The following ATP8A2 variants were observed in gnomAD, a reference collection of about 807,000 sequenced individuals.
ATP8A2 encodes ATPase phospholipid transporting 8A2.
Under a neutral mutation model 165.6 loss-of-function variants are expected in ATP8A2, and 100 were observed. The observed-to-expected ratio is 0.60, with a 90% CI of 0.51 to 0.71. The LOEUF is 0.71. Ranked by LOEUF, ATP8A2 falls within the 30% of genes least tolerant of loss-of-function variation. The pLI is 0.00. For missense variants in ATP8A2, 1,227 were observed against 1,479.5 expected (o/e 0.83, Z 2.80); for synonymous variants, 543 against 548.8 (o/e 0.99, Z 0.15).
Position 25,465,667 on chromosome 13 carries a change from C to CTTTCTTTCTTTCTTTT in ATP8A2, c.77-3295_77-3294insTTTTCTTTCTTTCTTT, listed in dbSNP as rs1566152936. 3.7e-3 allele frequency among the ~76,000 whole-genome samples: 21 copies of CTTTCTTTCTTTCTTTT among 5,614 alleles called. 1 individual carries two copies. Among genetic ancestry groups the CTTTCTTTCTTTCTTTT allele is most frequent in the African/African-American group, 9.7e-3 (20 of 2,070 alleles). 3.7% of individuals were successfully genotyped at this position (5,614 alleles called of 152,430 possible). ...CTCCCCAGAAATCTTGCAGAGTTTT[C>CTTTCTTTCTTTCTTTT]TTTCTTTCTTTCTTTCTTTCTTTCT... On this transcript the variant is annotated intron_variant, in intron 1 of 36. Coordinates refer to ENST00000381655, the MANE Select transcript of ATP8A2 (RefSeq NM_016529.6).
intron 1 of ATP8A2, among the ~76,000 whole-genome samples, chr13:25,385,451 A>T (rs1424724264): frequency 6.6e-6 from 1 of 152,240 alleles, no homozygotes; most frequent in East Asian, 1.9e-4. Flanking sequence ...CTTAAACAAG[A>T]TAACATATAT....
At chr13:25,969,925 A>C (rs1321932172) in intron 35 of ATP8A2, among the ~76,000 whole-genome samples, 4 of 152,186 alleles carry the variant, frequency 2.6e-5, no homozygotes, top group African/African-American at 9.7e-5. Context: ...TCTATCCATC[A>C]GACAGCTGAG....
intron 24 of ATP8A2, among the ~76,000 whole-genome samples, chr13:25,659,340 C>T (rs1020194189): frequency 1.1e-4 from 16 of 152,198 alleles, no homozygotes; most frequent in Admixed American, 9.8e-4. Context: ...AAGCACTCTG[C>T]GATCGAGTTT....
chr13:25,844,300 G>A (rs1284023197), intron 30 of ATP8A2, among the ~76,000 whole-genome samples: 1 of 151,770 alleles, frequency 6.6e-6, no homozygotes, highest in African/African-American at 2.4e-5. Context: ...GCACGATCTC[G>A]GCTCACTGAA....
At chr13:25,891,577 GC>G (rs1334250410) in intron 33 of ATP8A2, among the ~76,000 whole-genome samples, 2 of 152,112 alleles carry the variant, frequency 1.3e-5, no homozygotes, top group African/African-American at 2.4e-5. Flanking sequence ...GCCTACCTTG[GC>G]CTCCCAAAGT....
chr13:25,767,389 C>T (rs574393770), intron 25 of ATP8A2, among the ~76,000 whole-genome samples: 1 of 152,342 alleles, frequency 6.6e-6, no homozygotes, highest in Non-Finnish European at 1.5e-5. Flanking sequence ...ATTCTGCTCT[C>T]AGTTGCCTAA....
At chr13:25,757,515 G>GTGTA (rs2044288973) in intron 25 of ATP8A2, among the ~76,000 whole-genome samples, 1 of 151,900 alleles carries the variant, frequency 6.6e-6, no homozygotes, top group Non-Finnish European at 1.5e-5. Context: ...GTGTGTGTGT[G>GTGTA]TGTGTGTGTG....
chr13:25,979,280 T>G (rs1956131111), intron 35 of ATP8A2, among the ~76,000 whole-genome samples: 1 of 152,138 alleles, frequency 6.6e-6, no homozygotes, highest in African/African-American at 2.4e-5. Context: ...ATTTATTGGA[T>G]TTTTGGAAAC....
At chr13:25,871,226 T>C (rs925415004) in intron 33 of ATP8A2, 2 of 406,582 alleles carry the variant, frequency 4.9e-6, no homozygotes, top group African/African-American at 2.1e-5. Flanking sequence ...TGATTTTGTT[T>C]GTTTGTAATA....
At chr13:25,719,115 A>G (rs2043317266) in intron 25 of ATP8A2, among the ~76,000 whole-genome samples, 1 of 152,196 alleles carries the variant, frequency 6.6e-6, no homozygotes, top group African/African-American at 2.4e-5. Context: ...AGATCCTGTG[A>G]ATCCATCTCC....
At chr13:25,870,051 A>T (rs534334995) in intron 33 of ATP8A2, among the ~76,000 whole-genome samples, 2 of 152,240 alleles carry the variant, frequency 1.3e-5, no homozygotes, top group South Asian at 4.1e-4. Context: ...CTCTCAGCAG[A>T]TGGGGGAGCC....
rs1197115139 is a variant in ATP8A2, at chr13:26,023,895, A to G, written c.*3910A>G. 2 of 152,196 alleles carry G rather than the reference A, an allele frequency of 1.3e-5. No individual in the cohort carries two copies. Among genetic ancestry groups the G allele is most frequent in the East Asian group, 3.9e-4 (2 of 5,192 alleles). 9.4% of individuals were successfully genotyped at this position (152,196 alleles called of 1,614,324 possible). A position where few individuals can be genotyped will look rare whatever the true frequency, so the allele number is the denominator to read the frequency against. ...ATCCATAAAAAAATGTGAACAGGGA[A>G]ATGGTGGCTAAGCAGAGCCTGAAAT... On this transcript the variant is annotated 3_prime_UTR_variant, in exon 37 of 37. Coordinates refer to ENST00000381655, the MANE Select transcript of ATP8A2 (RefSeq NM_016529.6).
intron 1 of ATP8A2, among the ~76,000 whole-genome samples, chr13:25,411,810 C>T (rs1435782755): frequency 6.6e-6 from 1 of 152,178 alleles, no homozygotes; most frequent in Non-Finnish European, 1.5e-5. Flanking sequence ...AATATCATTT[C>T]ATCTCATTTC....
At chr13:25,931,720 C>A (rs1447602013) in intron 33 of ATP8A2, among the ~76,000 whole-genome samples, 1 of 152,102 alleles carries the variant, frequency 6.6e-6, no homozygotes, top group Non-Finnish European at 1.5e-5. Context: ...TTGAAAAGAG[C>A]CTTCATCAGA....
intron 1 of ATP8A2, among the ~76,000 whole-genome samples, chr13:25,431,224 AC>A (rs2034601478): frequency 6.6e-6 from 1 of 151,916 alleles, no homozygotes; most frequent in African/African-American, 2.4e-5. Flanking sequence ...ATCTCAGCTC[AC>A]CGCAACCTCC....
At chr13:25,762,268 CAAAAAAAAAAA>C (rs59081934) in intron 25 of ATP8A2, among the ~76,000 whole-genome samples, 841 of 41,326 alleles carry the variant, frequency 0.02, 15 homozygotes, top group Middle Eastern at 0.088. Flanking sequence ...GACTCTGTCT[CAAAAAAAAAAA>C]AAAAAAAAAA....
chr13:25,937,703 G>A (rs1954945831), intron 33 of ATP8A2, among the ~76,000 whole-genome samples: 1 of 151,612 alleles, frequency 6.6e-6, no homozygotes, highest in Non-Finnish European at 1.5e-5. Flanking sequence ...CAAAAAATTA[G>A]CCAGGCATGG....
chr13:25,386,935 T>G (rs1247260397), intron 1 of ATP8A2, among the ~76,000 whole-genome samples: 1 of 147,180 alleles, frequency 6.8e-6, no homozygotes, highest in Non-Finnish European at 1.5e-5. Context: ...AGGCGGAGCT[T>G]GCAGTGAGCC....
chr13:25,591,482 G>A, intron 24 of ATP8A2: 1 of 395,474 alleles, frequency 2.5e-6, no homozygotes, highest in South Asian at 1.9e-5. Flanking sequence ...CCATGTGTCA[G>A]AATTTCGCTC....
Sources: gnomAD v4.1 joint callset for allele counts (sites outside exome capture counted in the v4.1 genomes callset) on GRCh38, gnomAD v4.1.1 for gene constraint, MANE v1.5 for transcripts, NCBI Gene and HGNC (gene_info 2026-07-23, HGNC 2026-07-21) for gene names.